The following CACNA1I variants were observed in gnomAD, a reference collection of about 807,000 sequenced individuals.
CACNA1I encodes the protein calcium voltage-gated channel subunit alpha1 I.
CACNA1I carries 74 observed loss-of-function variants against 201.6 expected under a neutral mutation model. The ratio of observed to expected loss-of-function variants is 0.37; its 90% CI spans 0.30 to 0.45. The LOEUF is 0.45. CACNA1I is among the 20% of genes least tolerant of loss of function. CACNA1I has a pLI of 1.00. For synonymous variants in CACNA1I, 1,431 were observed against 1,345.2 expected (o/e 1.06, Z -1.40); for missense variants, 2,346 against 3,138.1 (o/e 0.75, Z 6.03).
At chr22:39,617,650 G>A (rs1208519174) in intron 3 of CACNA1I, among the ~76,000 whole-genome samples, 1 of 152,124 alleles carries the variant, frequency 6.6e-6, no homozygotes, top group South Asian at 2.1e-4. Flanking sequence ...TCTACAAAAT[G>A]TGAAAATGAC....
chr22:39,620,279 A>C (rs9607659), intron 4 of CACNA1I, among the ~76,000 whole-genome samples: 1 of 59,080 alleles, frequency 1.7e-5, no homozygotes, highest in South Asian at 7.4e-4. Context: ...ATCCATCCAT[A>C]CGTACATACA....
chr22:39,678,982 C>A, intron 31 of CACNA1I, 125 bp from the exon 32 acceptor site: 1 of 715,578 alleles, frequency 1.4e-6, no homozygotes, highest in Non-Finnish European at 2.3e-6. Context: ...CAGGGCAGCC[C>A]GGGGCCATCT....
chr22:39,679,959 G>A lies in CACNA1I; in HGVS notation c.5541+91G>A, dbSNP rs557179719. ...GTCCGAGGGCAGAGCCTGGCTCTGG[G>A]CTGTAGAGACCAGGCTGGGTCAACG... is the stretch of plus-strand genomic sequence containing the variant. On this transcript the variant is annotated intron_variant, in intron 33 of 36. Coordinates refer to ENST00000402142, the MANE Select transcript of CACNA1I (RefSeq NM_021096.4). 1,002 of 1,343,452 alleles carry A rather than the reference G, an allele frequency of 7.5e-4. 7 individuals are homozygous for A. The highest frequency in any genetic ancestry group is 6.7e-3 in the Middle Eastern group (30 of 4,494). The allele number at this position is 1,343,452 out of a possible 1,614,324, so 83.2% of individuals were successfully genotyped here. A position where few individuals can be genotyped will look rare whatever the true frequency, so the allele number is the denominator to read the frequency against.
At chr22:39,619,475 A>G in intron 4 of CACNA1I, 68 bp downstream of exon 4, 1 of 1,241,988 alleles carries the variant, frequency 8.1e-7, no homozygotes, top group Non-Finnish European at 1.2e-6. Context: ...TCCCTGGCCT[A>G]CCTAGCCAAT....
intron 4 of CACNA1I, among the ~76,000 whole-genome samples, chr22:39,630,532 T>G (rs562352347): frequency 6.3e-4 from 96 of 152,340 alleles, no homozygotes; most frequent in African/African-American, 2.3e-3. Context: ...CTGTCGGCCT[T>G]CAAGGGACTG....
chr22:39,675,890 G>A (rs796480607), intron 29 of CACNA1I, among the ~76,000 whole-genome samples: 9 of 152,338 alleles, frequency 5.9e-5, no homozygotes, highest in African/African-American at 1.7e-4. Context: ...GGCTGGGAGG[G>A]GGGTCCCTGG....
At chr22:39,604,574 T>C (rs1460851884) in intron 3 of CACNA1I, among the ~76,000 whole-genome samples, 2 of 152,106 alleles carry the variant, frequency 1.3e-5, no homozygotes, top group East Asian at 1.9e-4. Context: ...GGCTGAGGGA[T>C]AGATGCAAAG....
In CACNA1I at chr22:39,664,743, T is replaced by C; in HGVS notation, c.3671T>C (p.Val1224Ala). 1 of 1,182,594 alleles carries C rather than the reference T, an allele frequency of 8.5e-7. No homozygotes were observed. Among genetic ancestry groups the C allele is most frequent in the Non-Finnish European group, 1.2e-6 (1 of 867,372 alleles). 73.3% of individuals were successfully genotyped at this position (1,182,594 alleles called of 1,614,324 possible). ...CCGGCCCCACCCCCGCCCCAGGTAG[T>C]CTCGCTGGGCCTGTACTTCGGCGAG... ...IFVGEMTLKVVSLGLYFGEQA... is the reference protein window; with the variant it reads ...IFVGEMTLKVASLGLYFGEQA... The change falls in exon 21 of 37, where the codon GTC (valine) becomes GCC (alanine). Residue 1224 changes from valine to alanine, a missense_variant. This residue lies in a region of CACNA1I where 158 missense variants were observed against 231.6 expected (regional missense o/e 0.68). Coordinates refer to ENST00000402142, the MANE Select transcript of CACNA1I (RefSeq NM_021096.4).
rs1200416270 is a variant in CACNA1I at position 39,677,240 on chromosome 22, A to C, written c.4855-101A>C. On this transcript the variant is annotated intron_variant, in intron 29 of 36. Transcript: ENST00000402142. The surrounding 1 kb of genome is among the most constrained non-coding windows in gnomAD (Gnocchi z 4.8). ...GGGAATGTTACAGCTGCTCTGACCC[A>C]CAGGCTGCCCAACCCCACTGCCCCA... The C allele has an allele frequency of 3.2e-5, 24 of 742,972 alleles. No homozygotes were observed. The highest frequency in any genetic ancestry group is 5.2e-5 in the Non-Finnish European group (23 of 439,498). 46.0% of individuals were successfully genotyped at this position (742,972 alleles called of 1,614,324 possible).
In CACNA1I at chr22:39,647,768, C is replaced by T. The variant is rs1008816543; in HGVS notation, c.1463-54C>T. 9.2e-6 allele frequency: 12 copies of T among 1,303,958 alleles called. No individual in the cohort carries two copies. The East Asian group carries it at 1.6e-4, about 18-fold the overall frequency. The allele number at this position is 1,303,958 out of a possible 1,614,324, so 80.8% of individuals were successfully genotyped here. On this transcript the variant is annotated intron_variant, in intron 8 of 36. Coordinates refer to ENST00000402142, the MANE Select transcript of CACNA1I (RefSeq NM_021096.4). Reference sequence around the variant, plus strand: ...TGCCCTGTTGGTTGCCTCATCTGTTCCAGGAAACGGTCCTGAGAAGGGAGA... The same window carrying T: ...TGCCCTGTTGGTTGCCTCATCTGTTTCAGGAAACGGTCCTGAGAAGGGAGA...
chr22:39,581,846 A>G (rs1440597878), intron 1 of CACNA1I, among the ~76,000 whole-genome samples: 2 of 152,082 alleles, frequency 1.3e-5, no homozygotes, highest in South Asian at 2.1e-4. Flanking sequence ...TCACATTTCT[A>G]TCCTCATCTG....
At chr22:39,618,755 C>G (rs543423163) in intron 3 of CACNA1I, among the ~76,000 whole-genome samples, 23 of 151,940 alleles carry the variant, frequency 1.5e-4, no homozygotes, top group Admixed American at 6.6e-5. Context: ...CCTGGAAATG[C>G]AGGCCGGGCC....
intron 1 of CACNA1I, among the ~76,000 whole-genome samples, chr22:39,579,791 C>T (rs780783375): frequency 5.3e-5 from 8 of 152,064 alleles, no homozygotes; most frequent in Admixed American, 3.9e-4. Context: ...GGATTACAGG[C>T]GCCCACCACC....
chr22:39,598,290 C>CCCTGT (rs1932939004), intron 2 of CACNA1I, 28 bp downstream of exon 2: 1 of 1,313,972 alleles, frequency 7.6e-7, no homozygotes, highest in African/African-American at 1.5e-5. Context: ...CCCCGCCCCG[C>CCCTGT]CCTGCCCTCA....
chr22:39,679,721 G>A lies in CACNA1I; in HGVS notation c.5395-1G>A. ...TCCCCACCCCGTCCCCGTCCGCCTA[G>A]GAGAACCTGTGGCTGGACAGCGTCT... is the stretch of plus-strand genomic sequence containing the variant. On this transcript the variant is annotated splice_acceptor_variant, in intron 32 of 36. Coordinates refer to ENST00000402142, the MANE Select transcript of CACNA1I (RefSeq NM_021096.4). LOFTEE classifies it high-confidence loss of function. 1.2e-6 allele frequency: 2 copies of A among 1,610,812 alleles called. No homozygotes were observed. Among genetic ancestry groups the A allele is most frequent in the Non-Finnish European group, 1.7e-6 (2 of 1,178,616 alleles).
intron 1 of CACNA1I, among the ~76,000 whole-genome samples, chr22:39,575,712 T>C (rs546681180): frequency 7.2e-5 from 11 of 152,194 alleles, no homozygotes; most frequent in Non-Finnish European, 5.9e-5. Flanking sequence ...TGGGGAGCCA[T>C]CAGCCTGAAA....
intron 35 of CACNA1I, among the ~76,000 whole-genome samples, chr22:39,683,493 GC>G (rs759664040): frequency 1.3e-5 from 2 of 152,210 alleles, no homozygotes; most frequent in African/African-American, 2.4e-5. Context: ...AGGGCACAGG[GC>G]TGACCCGAGA....
At chr22:39,597,520 A>G (rs974563846) in intron 1 of CACNA1I, among the ~76,000 whole-genome samples, 1 of 152,236 alleles carries the variant, frequency 6.6e-6, no homozygotes, top group African/African-American at 2.4e-5. Context: ...CCTCCGCAGC[A>G]GGAGACTTTC....
chr22:39,611,182 TTAAC>T (rs1477541720), intron 3 of CACNA1I, among the ~76,000 whole-genome samples: 2 of 152,156 alleles, frequency 1.3e-5, no homozygotes, highest in African/African-American at 4.8e-5. Context: ...TGAACTATCA[TTAAC>T]TGACTGAGTT....
Sources: gnomAD v4.1 joint callset for allele counts (sites outside exome capture counted in the v4.1 genomes callset) on GRCh38, gnomAD v4.1.1 for gene constraint, gnomAD v4.1.1 regional missense constraint, Gnocchi (gnomAD v3.1) non-coding constraint, MANE v1.5 for transcripts, NCBI Gene and HGNC (gene_info 2026-07-23, HGNC 2026-07-21) for gene names.